CACNA1C: variants seen among roughly 807,000 people sequenced by gnomAD.
CACNA1C encodes calcium voltage-gated channel subunit alpha1 C, also known as voltage-dependent L-type calcium channel subunit alpha-1C.
A neutral mutation model predicts 229.0 loss-of-function variants in CACNA1C; 30 were observed. The observed-to-expected ratio is 0.13, with a 90% CI of 0.10 to 0.18. CACNA1C has a LOEUF of 0.18. Ranked by LOEUF, CACNA1C falls within the 10% of genes least tolerant of loss-of-function variation. CACNA1C has a pLI of 1.00. For missense variants in CACNA1C, 1,658 were observed against 2,845.0 expected (o/e 0.58, Z 9.49); for synonymous variants, 1,114 against 1,132.5 (o/e 0.98, Z 0.33).
At chr12:2,572,588 CCTT>C (rs1285981156) in intron 13 of CACNA1C, among the ~76,000 whole-genome samples, 5 of 89,822 alleles carry the variant, frequency 5.6e-5, no homozygotes, top group Admixed American at 1.1e-4. Flanking sequence ...CTCTCCTCCT[CCTT>C]CTCCTCTCCT....
chr12:2,552,393 G>A (rs971907051), intron 10 of CACNA1C, among the ~76,000 whole-genome samples: 1 of 152,202 alleles, frequency 6.6e-6, no homozygotes, highest in African/African-American at 2.4e-5. Flanking sequence ...TTCTAATTTG[G>A]ACTGGCAGGT....
At chr12:2,114,063 G>A (rs2082839915) in intron 1 of CACNA1C, among the ~76,000 whole-genome samples, 1 of 152,218 alleles carries the variant, frequency 6.6e-6, no homozygotes, top group African/African-American at 2.4e-5. Context: ...AAACAAAGTG[G>A]CTCACAACAG....
At chr12:2,135,878 G>C (rs1277617247) in intron 3 of CACNA1C, among the ~76,000 whole-genome samples, 5 of 148,116 alleles carry the variant, frequency 3.4e-5, no homozygotes, top group South Asian at 2.1e-4. Flanking sequence ...AATCAAGCCC[G>C]GGCAATGGCG....
chr12:2,610,384 C>T (rs560435794), intron 27 of CACNA1C, among the ~76,000 whole-genome samples, 157 bp from the exon 28 acceptor site: 1 of 152,248 alleles, frequency 6.6e-6, no homozygotes, highest in East Asian at 1.9e-4. Context: ...ACACCTCCCA[C>T]CTGTAAGTGA....
intron 3 of CACNA1C, among the ~76,000 whole-genome samples, chr12:2,304,098 C>T (rs932247198): frequency 2.6e-5 from 4 of 152,098 alleles, no homozygotes; most frequent in African/African-American, 4.8e-5. Flanking sequence ...CTCCCTTGCC[C>T]GGGGTGCACA....
intron 3 of CACNA1C, among the ~76,000 whole-genome samples, chr12:2,366,448 G>C (rs1222866265): frequency 1.3e-5 from 2 of 152,154 alleles, no homozygotes; most frequent in African/African-American, 4.8e-5. Context: ...AATTGGTAAT[G>C]ACAAGGAAAT....
At chr12:2,165,526 G>GGAAAGTCA (rs1249031997) in intron 3 of CACNA1C, among the ~76,000 whole-genome samples, 3 of 152,038 alleles carry the variant, frequency 2.0e-5, no homozygotes, top group Admixed American at 6.5e-5. Flanking sequence ...TGCTTTGAGT[G>GGAAAGTCA]CTTGGAAAGT....
In CACNA1C at chr12:2,207,248, C is replaced by T. The variant is rs528138939; in HGVS notation, c.477+86818C>T. Among the ~76,000 whole-genome samples, 73 of 152,308 alleles carry T rather than the reference C, an allele frequency of 4.8e-4. No homozygotes were observed. The South Asian group carries it at 0.015, about 31-fold the overall frequency. ...ACCTGGACTCTTCCCTTCCCTTTTT[C>T]TGGCTGACAGTCTTCCTAGAAAGAG... On this transcript the variant is annotated intron_variant, in intron 3 of 46. Coordinates refer to ENST00000399655, the MANE Select transcript of CACNA1C (RefSeq NM_000719.7).
intron 20 of CACNA1C, among the ~76,000 whole-genome samples, chr12:2,596,734 C>T (rs56150844): frequency 3.9e-5 from 6 of 152,132 alleles, no homozygotes; most frequent in African/African-American, 1.4e-4. Flanking sequence ...GAAGGATGCA[C>T]CTCCCTTGCC....
At chr12:2,378,398 A>G (rs185918870) in intron 3 of CACNA1C, among the ~76,000 whole-genome samples, 1 of 152,278 alleles carries the variant, frequency 6.6e-6, no homozygotes, top group Admixed American at 6.5e-5. Context: ...CTGTTTTTAC[A>G]TTAGAACATC....
At chr12:2,194,259 TCC>T (rs2097333062) in intron 3 of CACNA1C, among the ~76,000 whole-genome samples, 1 of 64,394 alleles carries the variant, frequency 1.6e-5, no homozygotes, top group African/African-American at 4.5e-5. Context: ...TGCCTCCTCC[TCC>T]TCCTCCTCCT....
rs751154947 is a variant in CACNA1C, at chr12:2,504,573, G to A, written c.1114-269G>A. On this transcript the variant is annotated intron_variant, in intron 7 of 46. Coordinates refer to ENST00000399655, the MANE Select transcript of CACNA1C (RefSeq NM_000719.7). This position sits in a 1 kb window ranked among gnomAD's most constrained non-coding sequence, Gnocchi z 6.8. ...ACCGTTTCTATGTCCTCTCCACAAC[G>A]CAGCCGAGCAAGGTCTCAGGTTCCA... The A allele has an allele frequency of 7.8e-6, 10 of 1,285,952 alleles. No individual in the cohort carries two copies. The highest frequency in any genetic ancestry group is 1.0e-5 in the Non-Finnish European group (9 of 881,824). 79.7% of individuals were successfully genotyped at this position (1,285,952 alleles called of 1,614,324 possible). A position where few individuals can be genotyped will look rare whatever the true frequency, so the allele number is the denominator to read the frequency against.
intron 3 of CACNA1C, among the ~76,000 whole-genome samples, chr12:2,158,966 A>G (rs1218505935): frequency 6.6e-6 from 1 of 152,150 alleles, no homozygotes. Context: ...TGCAGAGGAT[A>G]GGGAAGAGGT....
rs184580385 is a variant in CACNA1C at position 2,041,994 on chromosome 12, G to A, written c.139+70793G>A. Reference sequence around the variant, plus strand: ...AAAAGTTTCATGATAATTTTAAATGGTTGTAAATGATGCAATTTCTGGTGC... The same window carrying A: ...AAAAGTTTCATGATAATTTTAAATGATTGTAAATGATGCAATTTCTGGTGC... On this transcript the variant is annotated intron_variant, in intron 1 of 46. Transcript: ENST00000682462. 2.3e-4 allele frequency among the ~76,000 whole-genome samples: 35 copies of A among 152,314 alleles called. No homozygotes were observed. The East Asian group carries it at 6.7e-3, about 29-fold the overall frequency.
intron 1 of CACNA1C, among the ~76,000 whole-genome samples, chr12:2,082,641 C>T (rs2066078698): frequency 6.6e-6 from 1 of 152,130 alleles, no homozygotes; most frequent in Admixed American, 6.5e-5. Context: ...TGAGATGCTC[C>T]ACCTCATTCT....
chr12:1,997,886 A>C (rs1183868820), intron 1 of CACNA1C: 1 of 1,473,234 alleles, frequency 6.8e-7, no homozygotes. Flanking sequence ...AACGGAGCTA[A>C]AATATTATTT....
chr12:2,387,654 C>T (rs1375674297), intron 3 of CACNA1C, among the ~76,000 whole-genome samples: 2 of 152,102 alleles, frequency 1.3e-5, no homozygotes, highest in Non-Finnish European at 2.9e-5. Context: ...ATGAAGGCTC[C>T]CCAGAGTAGG....
chr12:2,458,493 C>G (rs2099461481), intron 5 of CACNA1C, among the ~76,000 whole-genome samples: 1 of 152,224 alleles, frequency 6.6e-6, no homozygotes, highest in Non-Finnish European at 1.5e-5. Context: ...GAACTCCTTT[C>G]TACTCTTCCC....
In CACNA1C at chr12:2,169,516, G is replaced by A. The variant is rs147421307; in HGVS notation, c.477+49086G>A. ...TTCCTTGGCTGTGTGGCTTTTCTAC[G>A]CTGCAAACCAAGCTTGTAGACATGG... On this transcript the variant is annotated intron_variant, in intron 3 of 46. Transcript: ENST00000399655. Among the ~76,000 whole-genome samples, 10 of 152,254 alleles carry A rather than the reference G, an allele frequency of 6.6e-5. No homozygotes were observed. The East Asian group carries it at 1.7e-3, about 26-fold the overall frequency.
Sources: gnomAD v4.1 joint callset for allele counts (sites outside exome capture counted in the v4.1 genomes callset) on GRCh38, gnomAD v4.1.1 for gene constraint, Gnocchi (gnomAD v3.1) non-coding constraint, MANE v1.5 for transcripts, NCBI Gene and HGNC (gene_info 2026-07-23, HGNC 2026-07-21) for gene names.